Variants in ATRNL1 observed in about 807,000 individuals in gnomAD.
ATRNL1 encodes the protein attractin like 1, also known as attractin-like protein 1.
In ATRNL1, 95 loss-of-function variants were observed where a neutral mutation model predicts 182.7. The observed-to-expected ratio is 0.52, with a 90% CI of 0.44 to 0.62. The LOEUF is 0.62. Among genes scored for constraint, ATRNL1 ranks in the 20% least tolerant of loss-of-function variants. The probability of loss-of-function intolerance (pLI) is 0.00; values close to 1 mark genes in which losing one functional copy is unlikely to be tolerated. For synonymous variants in ATRNL1, 576 were observed against 568.3 expected (o/e 1.01, Z -0.19); for missense variants, 1,471 against 1,679.5 (o/e 0.88, Z 2.17).
At chr10:115,155,622 A>G (rs1554881857) in intron 5 of ATRNL1, among the ~76,000 whole-genome samples, 2 of 152,146 alleles carry the variant, frequency 1.3e-5, no homozygotes, top group Non-Finnish European at 2.9e-5. Flanking sequence ...TCATTCATCC[A>G]TCCATTGATT....
intron 19 of ATRNL1, among the ~76,000 whole-genome samples, chr10:115,352,294 A>T (rs1212109817): frequency 6.6e-6 from 1 of 151,852 alleles, no homozygotes. Context: ...TTTTTAGTCT[A>T]TAACTTATTC....
chr10:115,777,752 C>T (rs1283331547), intron 27 of ATRNL1, among the ~76,000 whole-genome samples: 2 of 152,054 alleles, frequency 1.3e-5, no homozygotes. Context: ...CCACAAAAGG[C>T]TTTCAGTGTG....
intron 25 of ATRNL1, among the ~76,000 whole-genome samples, chr10:115,520,167 A>G (rs1172240998): frequency 6.6e-6 from 1 of 152,176 alleles, no homozygotes; most frequent in Non-Finnish European, 1.5e-5. Flanking sequence ...ATAGTGCAGT[A>G]TGAATTTTAA....
chr10:115,327,414 G>A (rs1474235348), intron 18 of ATRNL1, among the ~76,000 whole-genome samples: 5 of 152,158 alleles, frequency 3.3e-5, no homozygotes, highest in Non-Finnish European at 5.9e-5. Context: ...GAGAATAGCA[G>A]TCATTCAAAA....
chr10:115,228,685 A>G (rs1294229787), intron 9 of ATRNL1, among the ~76,000 whole-genome samples: 1 of 151,994 alleles, frequency 6.6e-6, no homozygotes, highest in East Asian at 1.9e-4. Context: ...TATAACTTTC[A>G]GCTGTAATTA....
intron 26 of ATRNL1, among the ~76,000 whole-genome samples, chr10:115,556,150 T>C (rs1853302301): frequency 6.6e-6 from 1 of 152,060 alleles, no homozygotes; most frequent in Admixed American, 6.5e-5. Flanking sequence ...ATATTTCATC[T>C]GATATTATGA....
At position 115,586,801 on chromosome 10, in the gene ATRNL1, C is replaced by G. The variant is rs1197201814; in HGVS notation, c.3795+37265C>G. 7.0e-5 allele frequency among the ~76,000 whole-genome samples: 8 copies of G among 114,490 alleles called. 1 individual carries two copies. Among genetic ancestry groups the G allele is most frequent in the African/African-American group, 2.2e-4 (8 of 36,792 alleles). The allele number at this position is 114,490 out of a possible 152,430, so 75.1% of individuals were successfully genotyped here. A position where few individuals can be genotyped will look rare whatever the true frequency, so the allele number is the denominator to read the frequency against. On this transcript the variant is annotated intron_variant, in intron 26 of 28. Coordinates refer to ENST00000355044, the MANE Select transcript of ATRNL1 (RefSeq NM_207303.4). ...GCTTTGTTCCATTGCTGGTGAGGAA[C>G]TGCATTCCTTTGGAGGAGGAGAGGC...
chr10:115,878,456 C>T (rs1951747239), intron 28 of ATRNL1, among the ~76,000 whole-genome samples: 2 of 152,230 alleles, frequency 1.3e-5, no homozygotes, highest in African/African-American at 2.4e-5. Context: ...CACACACACA[C>T]GTTATTGAAC....
chr10:115,849,668 A>G (rs890838522), intron 28 of ATRNL1, among the ~76,000 whole-genome samples: 5 of 152,176 alleles, frequency 3.3e-5, no homozygotes, highest in African/African-American at 9.7e-5. Flanking sequence ...GATCCTCATG[A>G]CAGGGTTGTG....
chr10:115,638,928 A>C (rs1393160381), intron 26 of ATRNL1, among the ~76,000 whole-genome samples: 9 of 152,196 alleles, frequency 5.9e-5, no homozygotes, highest in African/African-American at 2.2e-4. Context: ...AAGAGCCAAC[A>C]TTAATACCAT....
chr10:115,903,357 T>G (rs1555113921), intron 28 of ATRNL1, among the ~76,000 whole-genome samples: 1 of 152,214 alleles, frequency 6.6e-6, no homozygotes, highest in African/African-American at 2.4e-5. Context: ...TGGACTTTGC[T>G]TTAGCTGCTT....
intron 24 of ATRNL1, among the ~76,000 whole-genome samples, chr10:115,506,328 A>G (rs1436445681): frequency 6.7e-6 from 1 of 149,384 alleles, no homozygotes; most frequent in Non-Finnish European, 1.5e-5. Context: ...CAAACATACA[A>G]CAACAACAAA....
At chr10:115,136,037 T>C (rs932518568) in intron 5 of ATRNL1, among the ~76,000 whole-genome samples, 5 of 151,694 alleles carry the variant, frequency 3.3e-5, no homozygotes, top group South Asian at 2.1e-4. Flanking sequence ...TTAAATTGTT[T>C]TTTTTTTTTA....
At chr10:115,101,342 T>A (rs1387955699) in intron 1 of ATRNL1, among the ~76,000 whole-genome samples, 1 of 152,112 alleles carries the variant, frequency 6.6e-6, no homozygotes, top group East Asian at 1.9e-4. Flanking sequence ...TCTGTAAGTT[T>A]TTTTTTTAGA....
intron 5 of ATRNL1, among the ~76,000 whole-genome samples, chr10:115,134,814 A>G (rs375812972): frequency 6.6e-6 from 1 of 152,128 alleles, no homozygotes; most frequent in Non-Finnish European, 1.5e-5. Context: ...GAATCCAGCA[A>G]CACATCAAAA....
intron 26 of ATRNL1, among the ~76,000 whole-genome samples, chr10:115,661,557 C>G (rs547881822): frequency 2.0e-5 from 3 of 152,074 alleles, no homozygotes; most frequent in Non-Finnish European, 4.4e-5. Flanking sequence ...GTGCAGAAAG[C>G]TTTTGCTTTT....
At chr10:115,738,196 T>C (rs1948031955) in intron 27 of ATRNL1, among the ~76,000 whole-genome samples, 1 of 128,574 alleles carries the variant, frequency 7.8e-6, no homozygotes, top group African/African-American at 2.8e-5. Context: ...TGGAGTGCAC[T>C]GGCACGATCT....
chr10:115,538,996 T>C (rs782660023), intron 25 of ATRNL1, among the ~76,000 whole-genome samples: 6 of 152,212 alleles, frequency 3.9e-5, no homozygotes, highest in African/African-American at 7.2e-5. Flanking sequence ...CTAGTAACAA[T>C]AGGCTATACC....
Position 115,691,271 on chromosome 10 carries a change from C to T in ATRNL1, c.3796-35977C>T, listed in dbSNP as rs1946385455. On this transcript the variant is annotated intron_variant, in intron 26 of 28. Transcript: ENST00000355044. ...TACAAGGGTTCCATTTTCTCCACTTCCTTACCAACATTGATTATCTTTTGC... is the reference window on the plus strand; with the variant it reads ...TACAAGGGTTCCATTTTCTCCACTTTCTTACCAACATTGATTATCTTTTGC... Among the ~76,000 whole-genome samples, 4 of 152,158 alleles carry T rather than the reference C, an allele frequency of 2.6e-5. No homozygotes were observed. In the South Asian group the frequency reaches 8.3e-4, roughly 32 times the overall value.
Sources: gnomAD v4.1 joint callset for allele counts (sites outside exome capture counted in the v4.1 genomes callset) on GRCh38, gnomAD v4.1.1 for gene constraint, MANE v1.5 for transcripts, NCBI Gene and HGNC (gene_info 2026-07-23, HGNC 2026-07-21) for gene names.